Variants in SLC2A13 observed in about 807,000 individuals in gnomAD.
SLC2A13 encodes solute carrier family 2 member 13, also known as proton myo-inositol cotransporter.
SLC2A13 carries 32 observed loss-of-function variants against 64.4 expected under a neutral mutation model. The observed-to-expected ratio is 0.50, with a 90% CI of 0.37 to 0.67. The LOEUF (loss-of-function observed/expected upper bound fraction) is 0.67. SLC2A13 is among the 30% of genes least tolerant of loss of function. The pLI, the probability that SLC2A13 is intolerant of heterozygous loss-of-function variation, is 0.00. For missense variants in SLC2A13, 743 were observed against 829.2 expected, an observed-to-expected ratio of 0.90 and a Z score of 1.28; for synonymous variants, 338 against 327.1, an observed-to-expected ratio of 1.03 and a Z score of -0.36.
Position 39,911,560 on chromosome 12 carries a change from TCAG to T in SLC2A13, c.1035-39602_1035-39600del, listed in dbSNP as rs567444188. On this transcript the variant is annotated intron_variant, in intron 4 of 9. Transcript: ENST00000280871. Reference sequence around the variant, plus strand: ...GCTTTACCCTTCCTTGGCTTTTGTTTCAGCCTGCAACTGACATTGCTTTCAATG... The same window carrying T: ...GCTTTACCCTTCCTTGGCTTTTGTTTCCTGCAACTGACATTGCTTTCAATG... Among the ~76,000 whole-genome samples, 599 of 152,238 alleles carry T rather than the reference TCAG, an allele frequency of 3.9e-3. 2 individuals are homozygous for T. Among genetic ancestry groups the T allele is most frequent in the Non-Finnish European group, 6.5e-3 (440 of 68,026 alleles).
intron 1 of SLC2A13, among the ~76,000 whole-genome samples, chr12:40,098,049 GTATATATGTATATATGTGTA>G (rs1939014239): frequency 6.6e-6 from 1 of 150,554 alleles, no homozygotes; most frequent in African/African-American, 2.4e-5. Flanking sequence ...GTATATATGT[GTATATATGTATATATGTGTA>G]TATATATGTA....
intron 7 of SLC2A13, among the ~76,000 whole-genome samples, chr12:39,818,288 G>A (rs934699080): frequency 4.0e-5 from 6 of 149,786 alleles, no homozygotes; most frequent in Non-Finnish European, 7.4e-5. Flanking sequence ...AAAAAAAAAT[G>A]AGTTGGGGGG....
At chr12:39,817,471 T>C (rs1322109982) in intron 7 of SLC2A13, among the ~76,000 whole-genome samples, 1 of 149,232 alleles carries the variant, frequency 6.7e-6, no homozygotes, top group Non-Finnish European at 1.5e-5. Context: ...ATCAACTCCT[T>C]ATTTAGTGCA....
At chr12:39,862,056 G>C (rs942709049) in intron 6 of SLC2A13, among the ~76,000 whole-genome samples, 3 of 152,156 alleles carry the variant, frequency 2.0e-5, no homozygotes, top group Admixed American at 2.0e-4. Flanking sequence ...ACAGGCGCCA[G>C]TGTGTGTAGT....
intron 2 of SLC2A13, 133 bp downstream of exon 2, chr12:40,047,918 G>T: frequency 2.6e-6 from 2 of 782,630 alleles, no homozygotes; most frequent in Non-Finnish European, 3.8e-6. Context: ...CAGTTTTGCT[G>T]AATGTCACCT....
intron 3 of SLC2A13, among the ~76,000 whole-genome samples, chr12:39,986,097 C>A (rs1947026226): frequency 6.6e-6 from 1 of 151,928 alleles, no homozygotes; most frequent in African/African-American, 2.4e-5. Flanking sequence ...AAAATAAAGG[C>A]CTTGGTTCCA....
chr12:40,080,418 C>G (rs1339664056), intron 1 of SLC2A13, among the ~76,000 whole-genome samples: 1 of 152,000 alleles, frequency 6.6e-6, no homozygotes, highest in Non-Finnish European at 1.5e-5. Flanking sequence ...TGAGAGGGGG[C>G]CTTGCTCTGT....
intron 6 of SLC2A13, among the ~76,000 whole-genome samples, chr12:39,831,955 C>G (rs1942863508): frequency 6.6e-6 from 1 of 152,088 alleles, no homozygotes; most frequent in Non-Finnish European, 1.5e-5. Flanking sequence ...TCCTTTATAA[C>G]AACAAAAACA....
At chr12:39,793,406 C>A in intron 7 of SLC2A13, among the ~76,000 whole-genome samples, 1 of 152,208 alleles carries the variant, frequency 6.6e-6, no homozygotes, top group South Asian at 2.1e-4. Flanking sequence ...CCAAATTGAT[C>A]TATAGAGTCA....
At chr12:40,098,592 G>GT (rs1939042011) in intron 1 of SLC2A13, among the ~76,000 whole-genome samples, 1 of 152,172 alleles carries the variant, frequency 6.6e-6, no homozygotes, top group African/African-American at 2.4e-5. Flanking sequence ...TCAGGGAGGA[G>GT]TGAGTGAGTG....
At chr12:39,834,974 C>T (rs1259055930) in intron 6 of SLC2A13, among the ~76,000 whole-genome samples, 1 of 152,068 alleles carries the variant, frequency 6.6e-6, no homozygotes, top group African/African-American at 2.4e-5. Flanking sequence ...CTAGGAATGG[C>T]TATTACATTT....
intron 3 of SLC2A13, among the ~76,000 whole-genome samples, chr12:39,989,338 T>C (rs1429322116): frequency 1.3e-5 from 2 of 152,140 alleles, no homozygotes; most frequent in Non-Finnish European, 2.9e-5. Context: ...TCCTCAACCA[T>C]CCTTTATCAA....
chr12:39,872,925 T>C (rs962083384), intron 4 of SLC2A13, among the ~76,000 whole-genome samples: 2 of 152,220 alleles, frequency 1.3e-5, no homozygotes, highest in African/African-American at 4.8e-5. Context: ...CCAAGCAATA[T>C]GTTAAATCAG....
Position 39,760,018 on chromosome 12 carries a change from G to T in SLC2A13, c.*8C>A. 1 of 1,604,044 alleles carries T rather than the reference G, an allele frequency of 6.2e-7. No homozygotes were observed. ...GTTTAAATAACTAAATATATGAGCAGCTGAAAATTATTCCACATCAGAAGC... is the reference window on the plus strand; with the variant it reads ...GTTTAAATAACTAAATATATGAGCATCTGAAAATTATTCCACATCAGAAGC... On this transcript the variant is annotated 3_prime_UTR_variant, in exon 10 of 10. Transcript: ENST00000280871.
intron 1 of SLC2A13, among the ~76,000 whole-genome samples, chr12:40,082,173 G>C (rs1282062707): frequency 1.3e-5 from 2 of 152,220 alleles, no homozygotes; most frequent in African/African-American, 4.8e-5. Flanking sequence ...CAGTGTGGTA[G>C]TGAGGTTAGC....
At chr12:39,790,405 A>G (rs1362319943) in intron 7 of SLC2A13, among the ~76,000 whole-genome samples, 2 of 129,936 alleles carry the variant, frequency 1.5e-5, no homozygotes, top group South Asian at 4.9e-4. Context: ...AGAGTGTGAT[A>G]TTCCCTTCCT....
chr12:39,830,268 A>C (rs1458363002), intron 6 of SLC2A13, 40 bp from the exon 7 acceptor site: 1 of 1,599,706 alleles, frequency 6.3e-7, no homozygotes, highest in South Asian at 1.1e-5. Context: ...TGGCAGAGAC[A>C]ACTGGTGCTC....
intron 4 of SLC2A13, among the ~76,000 whole-genome samples, chr12:39,917,970 G>A (rs76911276): frequency 0.046 from 7,025 of 151,952 alleles, 300 homozygotes; most frequent in Admixed American, 0.13. Context: ...TTAAAAAAAA[G>A]GTAATTAACA....
At chr12:40,038,408 T>A (rs1344141763) in intron 2 of SLC2A13, among the ~76,000 whole-genome samples, 1 of 152,088 alleles carries the variant, frequency 6.6e-6, no homozygotes, top group Non-Finnish European at 1.5e-5. Context: ...TACCCCAGGA[T>A]ATGATGAATT....
Sources: allele counts gnomAD v4.1 joint callset (sites outside exome capture counted in the v4.1 genomes callset), GRCh38; gene constraint gnomAD v4.1.1; transcripts MANE v1.5; gene names NCBI Gene and HGNC (gene_info 2026-07-23, HGNC 2026-07-21).